MSI2: variants seen among roughly 807,000 people sequenced by gnomAD.
MSI2 encodes RNA-binding protein Musashi homolog 2.
MSI2 carries 17 observed loss-of-function variants against 45.6 expected under a neutral mutation model. The ratio of observed to expected loss-of-function variants is 0.37; its 90% CI spans 0.26 to 0.56. The LOEUF (loss-of-function observed/expected upper bound fraction) is 0.56, where lower values mean the gene tolerates loss of function less well. MSI2 is among the 20% of genes least tolerant of loss of function. The pLI, the probability that MSI2 is intolerant of heterozygous loss-of-function variation, is 0.77. For missense variants in MSI2, 293 were observed against 444.2 expected (o/e 0.66, Z 3.06); for synonymous variants, 156 against 158.2 (o/e 0.99, Z 0.11).
At chr17:57,616,286 T>C (rs372769359) in intron 9 of MSI2, 69 of 456,300 alleles carry the variant, frequency 1.5e-4, no homozygotes, top group Middle Eastern at 1.1e-3. Flanking sequence ...CATGCATGTG[T>C]GTGTGTGTGT....
At chr17:57,474,234 T>A (rs956578427) in intron 6 of MSI2, among the ~76,000 whole-genome samples, 2 of 152,182 alleles carry the variant, frequency 1.3e-5, no homozygotes, top group Admixed American at 1.3e-4. Context: ...CTAGACGTGC[T>A]CATTTATTCA....
chr17:57,368,229 G>T (rs1398305715), intron 5 of MSI2, among the ~76,000 whole-genome samples: 1 of 152,164 alleles, frequency 6.6e-6, no homozygotes, highest in East Asian at 1.9e-4. Context: ...GTGGCTAATG[G>T]AATATGTGTA....
chr17:57,390,892 T>C (rs1255083089), intron 5 of MSI2, among the ~76,000 whole-genome samples: 1 of 152,160 alleles, frequency 6.6e-6, no homozygotes, highest in Non-Finnish European at 1.5e-5. Context: ...TAACATGGTT[T>C]CTCAGCCTGT....
intron 5 of MSI2, among the ~76,000 whole-genome samples, chr17:57,319,249 G>A (rs1913122873): frequency 6.6e-6 from 1 of 152,220 alleles, no homozygotes; most frequent in Non-Finnish European, 1.5e-5. Flanking sequence ...ATTTTCTAGG[G>A]CTGAACTGGT....
chr17:57,528,264 T>G (rs2086747333), intron 6 of MSI2, among the ~76,000 whole-genome samples: 1 of 152,084 alleles, frequency 6.6e-6, no homozygotes, highest in African/African-American at 2.4e-5. Flanking sequence ...CTCTGTGGGA[T>G]AAAGGAGTGG....
chr17:57,256,106 G>C (rs1334539041), upstream of MSI2: 3 of 152,342 alleles, frequency 2.0e-5, no homozygotes, highest in African/African-American at 7.2e-5. Context: ...AACTTGAATG[G>C]AGAGGGCGAA....
chr17:57,551,892 G>C (rs2087315206), intron 7 of MSI2, among the ~76,000 whole-genome samples: 2 of 152,184 alleles, frequency 1.3e-5, no homozygotes, highest in South Asian at 4.1e-4. Context: ...AGCTTAGGCA[G>C]ATGTCATGCC....
intron 5 of MSI2, chr17:57,279,597 T>C (rs1909226357): frequency 6.6e-6 from 1 of 152,210 alleles, no homozygotes; most frequent in Admixed American, 6.5e-5. Context: ...GGCAGGGGCA[T>C]GTTCATTAAA....
chr17:57,535,796 G>A (rs1213321476), intron 7 of MSI2, among the ~76,000 whole-genome samples: 2 of 152,232 alleles, frequency 1.3e-5, no homozygotes, highest in African/African-American at 2.4e-5. Flanking sequence ...GAGAGCTTGG[G>A]TTCTTCCTGG....
chr17:57,461,634 C>G (rs6503813), intron 6 of MSI2, among the ~76,000 whole-genome samples: 6,536 of 151,458 alleles, frequency 0.043, 456 homozygotes, highest in African/African-American at 0.15. Flanking sequence ...CTCCTGGGTT[C>G]AAGCGATTCT....
intron 6 of MSI2, among the ~76,000 whole-genome samples, chr17:57,479,300 A>G (rs1406551696): frequency 6.6e-6 from 1 of 152,104 alleles, no homozygotes; most frequent in Non-Finnish European, 1.5e-5. Flanking sequence ...TGCCTTGCGT[A>G]CTGGGGCATG....
At chr17:57,406,469 G>A (rs573111388) in intron 6 of MSI2, among the ~76,000 whole-genome samples, 59 of 152,248 alleles carry the variant, frequency 3.9e-4, no homozygotes, top group African/African-American at 1.4e-3. Context: ...GCTTCGTCCC[G>A]GATGGAGCCG....
rs1555643264 is a variant in MSI2 at position 57,682,327 on chromosome 17, C to CCG, written c.*2811_*2812insGC. The CCG allele has an allele frequency of 6.3e-5, 11 of 175,612 alleles. 1 individual carries two copies. In the South Asian group the frequency reaches 1.3e-3, roughly 21 times the overall value. 10.9% of individuals were successfully genotyped at this position (175,612 alleles called of 1,614,324 possible). ...ACGGCGTTTTGTAGATCCCCCCCCC[C>CCG]CCACCCACTGTGAAGGGGTGCCATA... On this transcript the variant is annotated 3_prime_UTR_variant, in exon 14 of 14. Transcript: ENST00000284073.
chr17:57,644,988 A>G (rs1029215712), intron 10 of MSI2, among the ~76,000 whole-genome samples: 1 of 152,172 alleles, frequency 6.6e-6, no homozygotes, highest in Non-Finnish European at 1.5e-5. Flanking sequence ...TCTCAGACCA[A>G]GAAGGGGAGA....
chr17:57,615,711 T>C (rs1321521120), intron 8 of MSI2, among the ~76,000 whole-genome samples: 8 of 152,234 alleles, frequency 5.3e-5, no homozygotes, highest in African/African-American at 1.7e-4. Flanking sequence ...CTTCAATCTG[T>C]GTGTATATCT....
intron 8 of MSI2, among the ~76,000 whole-genome samples, chr17:57,597,366 C>T (rs1437920252): frequency 1.3e-5 from 2 of 150,778 alleles, no homozygotes; most frequent in Admixed American, 1.3e-4. Flanking sequence ...CATGATGGCT[C>T]ACGCCTATAA....
At chr17:57,659,220 C>T (rs1567964396) in intron 11 of MSI2, among the ~76,000 whole-genome samples, 2 of 151,892 alleles carry the variant, frequency 1.3e-5, no homozygotes, top group Non-Finnish European at 2.9e-5. Context: ...CTACCATGCC[C>T]GGCTTTGGTT....
intron 6 of MSI2, among the ~76,000 whole-genome samples, chr17:57,506,194 A>G (rs193190229): frequency 0.011 from 1,675 of 152,328 alleles, 11 homozygotes; most frequent in Middle Eastern, 0.041. Flanking sequence ...TGATGGGCCA[A>G]TTAGCCACGA....
chr17:57,544,797 G>A (rs1438120797), intron 7 of MSI2, among the ~76,000 whole-genome samples: 1 of 152,142 alleles, frequency 6.6e-6, no homozygotes, highest in Non-Finnish European at 1.5e-5. Context: ...GAAATCTGAA[G>A]GGTGATGTTT....
Sources: allele counts gnomAD v4.1 joint callset (sites outside exome capture counted in the v4.1 genomes callset), GRCh38; gene constraint gnomAD v4.1.1; transcripts MANE v1.5; gene names NCBI Gene and HGNC (gene_info 2026-07-23, HGNC 2026-07-21).